Variants in POLA1 observed in about 807,000 individuals in gnomAD.
POLA1 encodes the protein DNA polymerase alpha catalytic subunit.
In POLA1, 15 loss-of-function variants were observed where a neutral mutation model predicts 124.0. The ratio of observed to expected loss-of-function variants is 0.12; its 90% CI spans 0.08 to 0.19. The LOEUF (loss-of-function observed/expected upper bound fraction) is 0.19. Ranked by LOEUF, POLA1 falls within the 10% of genes least tolerant of loss-of-function variation. The pLI is 1.00. For missense variants in POLA1, 886 were observed against 1,103.4 expected (o/e 0.80, Z 2.79); for synonymous variants, 408 against 389.4 (o/e 1.05, Z -0.56).
intron 26 of POLA1, among the ~76,000 whole-genome samples, chrX:24,751,865 T>C (rs1298172802): frequency 2.7e-5 from 3 of 111,627 alleles, no homozygotes; most frequent in Non-Finnish European, 5.6e-5. Context: ...CTAGTATTTT[T>C]TGTGACAAGA....
rs763137025 is a variant in POLA1, at chrX:24,930,518, A to G, written c.4230A>G (p.Ala1410=). The part of the protein sequence containing the change: ...FYRYIFDAEC[A]LEKLTTDHEK... Reference sequence around the variant, plus strand: ...GGTACATTTTTGATGCGGAGTGTGCACTGGAGAAACTTACTACCGATCATG... The same window carrying G: ...GGTACATTTTTGATGCGGAGTGTGCGCTGGAGAAACTTACTACCGATCATG... Residue 1410 remains alanine (A), a synonymous_variant, in exon 36 of 37, where the codon GCA becomes GCG. Coordinates refer to ENST00000379068, the MANE Select transcript of POLA1 (RefSeq NM_001330360.2). The G allele has an allele frequency of 8.5e-7, 1 of 1,176,572 alleles. No homozygotes were observed. The highest frequency in any genetic ancestry group is 1.2e-6 in the Non-Finnish European group (1 of 863,177).
chrX:24,760,844 C>T (rs911652063), intron 26 of POLA1, among the ~76,000 whole-genome samples: 4 of 111,633 alleles, frequency 3.6e-5, no homozygotes, highest in African/African-American at 1.3e-4. Context: ...GCCAGGGATT[C>T]CTGAGCCCTG....
intron 36 of POLA1, among the ~76,000 whole-genome samples, chrX:24,977,442 CT>C (rs921741471): frequency 3.8e-4 from 42 of 110,518 alleles, no homozygotes; most frequent in African/African-American, 1.3e-3. Context: ...GACCTGTGTC[CT>C]TTTTTTTTCT....
intron 26 of POLA1, among the ~76,000 whole-genome samples, chrX:24,782,803 G>T (rs2045292348): frequency 9.0e-6 from 1 of 111,272 alleles, no homozygotes; most frequent in Non-Finnish European, 1.9e-5. Context: ...CTTCTACCAT[G>T]TTTCCACAGG....
Position 24,812,639 on chromosome X carries a change from A to G in POLA1, c.3091-19A>G. The G allele has an allele frequency of 1.0e-6, 1 of 989,236 alleles. No homozygotes were observed. The highest frequency in any genetic ancestry group is 1.4e-6 in the Non-Finnish European group (1 of 701,389). 81.5% of individuals were successfully genotyped at this position (989,236 alleles called of 1,213,427 possible). On this transcript the variant is annotated intron_variant, in intron 28 of 36. Transcript: ENST00000379068. ...TTAGATGTTTGAGAAGCTAATACTA[A>G]TATTTGAAATTTTCACAGGTAAAAA...
chrX:24,966,941 T>G (rs1165041768), intron 36 of POLA1, among the ~76,000 whole-genome samples: 2 of 112,331 alleles, frequency 1.8e-5, no homozygotes, highest in African/African-American at 3.2e-5. Flanking sequence ...TCATAAATAA[T>G]GGGAAATAGA....
chrX:24,694,908 C>T (rs942580699), intron 1 of POLA1, among the ~76,000 whole-genome samples: 1 of 111,970 alleles, frequency 8.9e-6, no homozygotes, highest in Middle Eastern at 4.6e-3. Flanking sequence ...TTGTTCTAGC[C>T]GTTCGTTTTT....
intron 4 of POLA1, among the ~76,000 whole-genome samples, chrX:24,713,512 T>C (rs1444116677): frequency 9.1e-6 from 1 of 109,485 alleles, no homozygotes; most frequent in Non-Finnish European, 1.9e-5. Context: ...GCCTCCGGGG[T>C]TCAAGCGATT....
At chrX:24,960,472 A>G (rs756225944) in intron 36 of POLA1, among the ~76,000 whole-genome samples, 13 of 111,749 alleles carry the variant, frequency 1.2e-4, no homozygotes, top group Non-Finnish European at 1.5e-4. Flanking sequence ...CAACTGGGAA[A>G]AGAAACCTTC....
Position 24,739,557 on chromosome X carries a change from T to G in POLA1, c.2216+7T>G, listed in dbSNP as rs1171862948. The G allele has an allele frequency of 7.3e-6, 8 of 1,100,120 alleles. No individual in the cohort carries two copies. The South Asian group carries it at 1.6e-4, about 21-fold the overall frequency. 90.7% of individuals were successfully genotyped at this position (1,100,120 alleles called of 1,213,427 possible). On this transcript the variant is annotated splice_region_variant and intron_variant, in intron 20 of 36. Transcript: ENST00000379068. Reference sequence around the variant, plus strand: ...ATATACAAAATATGTACAGGTATGATCCTAGATTCTTCAGAATTCATCTGT... The same window carrying G: ...ATATACAAAATATGTACAGGTATGAGCCTAGATTCTTCAGAATTCATCTGT...
intron 2 of POLA1, among the ~76,000 whole-genome samples, chrX:24,701,434 CTTT>C (rs1331309084): frequency 4.3e-5 from 4 of 93,186 alleles, no homozygotes; most frequent in Admixed American, 1.2e-4. Flanking sequence ...AGGTAGAACT[CTTT>C]TTTTTTTTTT....
intron 26 of POLA1, among the ~76,000 whole-genome samples, chrX:24,767,171 C>T (rs1300365796): frequency 8.9e-6 from 1 of 112,306 alleles, no homozygotes; most frequent in Non-Finnish European, 1.9e-5. Context: ...ATTTTATCCA[C>T]TAGTAGCCTG....
chrX:24,789,164 T>C, intron 26 of POLA1: 1 of 826,806 alleles, frequency 1.2e-6, no homozygotes, highest in Admixed American at 2.8e-5. Context: ...GGCAGAGCAA[T>C]TAGGCAAGAG....
intron 36 of POLA1, among the ~76,000 whole-genome samples, chrX:24,964,543 CT>C (rs1386515068): frequency 8.9e-6 from 1 of 112,647 alleles, no homozygotes; most frequent in Non-Finnish European, 1.9e-5. Flanking sequence ...CAAATAAATA[CT>C]TAAGGCTCTT....
chrX:24,734,908 G>A (rs1057253903), intron 17 of POLA1, among the ~76,000 whole-genome samples: 10 of 112,019 alleles, frequency 8.9e-5, no homozygotes, highest in South Asian at 3.7e-4. Flanking sequence ...GAGCCACTGC[G>A]CCCAGCCACT....
chrX:24,946,076 G>A (rs1201011430), intron 36 of POLA1, among the ~76,000 whole-genome samples: 1 of 111,334 alleles, frequency 9.0e-6, no homozygotes, highest in Non-Finnish European at 1.9e-5. Flanking sequence ...AGGGCTGCTG[G>A]GGAGGATGGG....
At chrX:24,873,338 A>G (rs926923567) in intron 34 of POLA1, among the ~76,000 whole-genome samples, 3 of 112,065 alleles carry the variant, frequency 2.7e-5, no homozygotes, top group African/African-American at 9.7e-5. Flanking sequence ...ATACCGTTCT[A>G]CTTTGCAATT....
chrX:24,714,930 C>T (rs1049617717), intron 5 of POLA1, among the ~76,000 whole-genome samples: 37 of 111,535 alleles, frequency 3.3e-4, no homozygotes, highest in Middle Eastern at 4.7e-3. Context: ...GGATTAAGGG[C>T]GAAAGTAGAG....
Position 24,913,767 on chromosome X carries a change from C to T in POLA1, c.4165-16686C>T, listed in dbSNP as rs952935896. 7.4e-5 allele frequency among the ~76,000 whole-genome samples: 8 copies of T among 108,476 alleles called. No individual in the cohort carries two copies. The Admixed American group carries it at 7.9e-4, about 11-fold the overall frequency. The allele number at this position is 108,476 out of a possible 115,157, so 94.2% of individuals were successfully genotyped here. On this transcript the variant is annotated intron_variant, in intron 35 of 36. Transcript: ENST00000379068. ...GGTAAGCCGGGCGTGGTGGCTCACA[C>T]CTGTTATCCCAGCATCTTGGTAGGC... is the stretch of plus-strand genomic sequence containing the variant.
Sources: gnomAD v4.1 joint callset for allele counts (sites outside exome capture counted in the v4.1 genomes callset) on GRCh38, gnomAD v4.1.1 for gene constraint, MANE v1.5 for transcripts, NCBI Gene and HGNC (gene_info 2026-07-23, HGNC 2026-07-21) for gene names.